SPG11: variants seen among roughly 807,000 people sequenced by gnomAD.
SPG11 encodes spatacsin.
In SPG11, 222 loss-of-function variants were observed where a neutral mutation model predicts 274.0. The ratio of observed to expected loss-of-function variants is 0.81; its 90% CI spans 0.73 to 0.91. The LOEUF is 0.91. Ranked by LOEUF, SPG11 falls within the 40% of genes least tolerant of loss-of-function variation. The pLI is 0.00. For synonymous variants in SPG11, 1,144 were observed against 1,039.7 expected (o/e 1.10, Z -1.93); for missense variants, 3,114 against 2,872.7 (o/e 1.08, Z -1.92).
At chr15:44,583,137 TCTC>T (rs2140945051) in intron 30 of SPG11, among the ~76,000 whole-genome samples, 1 of 152,240 alleles carries the variant, frequency 6.6e-6, no homozygotes, top group East Asian at 1.9e-4. Flanking sequence ...CTACAAGAAA[TCTC>T]CTAGAATAAG....
At chr15:44,580,889 T>C (rs1008588129) in intron 30 of SPG11, among the ~76,000 whole-genome samples, 4 of 151,632 alleles carry the variant, frequency 2.6e-5, no homozygotes, top group Admixed American at 1.3e-4. Context: ...AGAGAGGAGG[T>C]AGGGTATGGT....
chr15:44,574,796 G>T (rs920860147), intron 31 of SPG11, 106 bp downstream of exon 31: 1 of 1,357,334 alleles, frequency 7.4e-7, no homozygotes, highest in Non-Finnish European at 1.0e-6. Context: ...CTACTCCCAG[G>T]TCATGATTAT....
At chr15:44,588,595 G>T in intron 28 of SPG11, 1 of 409,436 alleles carries the variant, frequency 2.4e-6, no homozygotes, top group Non-Finnish European at 5.0e-6. Context: ...CGTTTGCATA[G>T]CTTCAGTGAC....
chr15:44,642,867 C>T (rs1451646283), intron 7 of SPG11, among the ~76,000 whole-genome samples: 3 of 152,038 alleles, frequency 2.0e-5, no homozygotes, highest in Admixed American at 6.6e-5. Flanking sequence ...AAGACCCTGT[C>T]TCATTAACAA....
intron 38 of SPG11, among the ~76,000 whole-genome samples, chr15:44,565,135 T>C (rs1436259714): frequency 1.3e-5 from 2 of 152,208 alleles, no homozygotes; most frequent in African/African-American, 4.8e-5. Flanking sequence ...GCTGATTCCC[T>C]GATAATCCAC....
chr15:44,564,658 C>T lies in SPG11; in HGVS notation c.7040G>A (p.Trp2347Ter). ...VAEAYDFVPD[W>*]AEILYQQVIL... ...CACTTGCTGGTATAAAATTTCAGCC[C>T]AATCTGGAACAAAATCGTAGGCCTC... is the stretch of plus-strand genomic sequence containing the variant. Residue 2347 changes from tryptophan (W) to a stop codon, truncating the protein, a stop_gained, in exon 39 of 40, where the codon TGG becomes TAG. Transcript: ENST00000261866. LOFTEE classifies it high-confidence loss of function. 6.2e-7 allele frequency: 1 copy of T among 1,614,068 alleles called. No homozygotes were observed. Among genetic ancestry groups the T allele is most frequent in the Non-Finnish European group, 8.5e-7 (1 of 1,180,014 alleles).
chr15:44,598,826 C>A lies in SPG11; in HGVS notation c.3697G>T (p.Val1233Leu). The A allele has an allele frequency of 6.2e-7, 1 of 1,614,036 alleles. No homozygotes were observed. The highest frequency in any genetic ancestry group is 1.1e-5 in the South Asian group (1 of 91,076). ...CCTATAACATAGGCTTCATTGCCTA[C>A]TTGCTGGATCCTGAAAAAGAAAGGA... is the stretch of plus-strand genomic sequence containing the variant. Reference protein sequence around the residue: ...SKTPKQLIQQVGNEAYVIGLS... With the variant: ...SKTPKQLIQQLGNEAYVIGLS... The change falls in exon 22 of 40, where the codon GTA becomes TTA. Residue 1233 changes from valine (V) to leucine (L), a missense_variant. Transcript: ENST00000261866.
chr15:44,634,331 G>C, intron 7 of SPG11, among the ~76,000 whole-genome samples: 1 of 152,112 alleles, frequency 6.6e-6, no homozygotes, highest in East Asian at 1.9e-4. Context: ...CTGAGGTACA[G>C]TGGCATGATC....
At chr15:44,656,147 T>G (rs1481013672) in intron 4 of SPG11, among the ~76,000 whole-genome samples, 1 of 152,088 alleles carries the variant, frequency 6.6e-6, no homozygotes, top group African/African-American at 2.4e-5. Context: ...AATGGAGGTT[T>G]GAGGAAAACA....
intron 4 of SPG11, among the ~76,000 whole-genome samples, chr15:44,656,591 A>G (rs1821377484): frequency 6.6e-6 from 1 of 152,206 alleles, no homozygotes; most frequent in Admixed American, 6.5e-5. Flanking sequence ...GTGGTCAGAG[A>G]CTGAGATGTA....
chr15:44,624,013 G>A (rs2083827340), intron 11 of SPG11, among the ~76,000 whole-genome samples: 1 of 151,860 alleles, frequency 6.6e-6, no homozygotes, highest in South Asian at 2.1e-4. Context: ...TGCCCATCTC[G>A]GCCTCCAAAA....
Position 44,622,754 on chromosome 15 carries a change from T to C in SPG11, c.2290A>G (p.Thr764Ala). ...AAAAAGTCACGTATATTTTTATTAG[T>C]TGTATAGAAGCAGATCTTGAGCAAT... ...GQLLKICFYT[T>A]NKNIRDFLVE... The change falls in exon 12 of 40, where the codon ACT becomes GCT. Residue 764 changes from threonine (T) to alanine (A), a missense_variant. Coordinates refer to ENST00000261866, the MANE Select transcript of SPG11 (RefSeq NM_025137.4). 1 of 1,613,778 alleles carries C rather than the reference T, an allele frequency of 6.2e-7. No individual in the cohort carries two copies. Among genetic ancestry groups the C allele is most frequent in the Non-Finnish European group, 8.5e-7 (1 of 1,179,774 alleles).
chr15:44,620,134 T>A, intron 15 of SPG11, 56 bp downstream of exon 15: 1 of 1,346,576 alleles, frequency 7.4e-7, no homozygotes, highest in Non-Finnish European at 1.1e-6. Flanking sequence ...CCATTATTTT[T>A]TCTTGCTCTT....
At chr15:44,612,959 T>C (rs915088594) in intron 17 of SPG11, among the ~76,000 whole-genome samples, 10 of 152,178 alleles carry the variant, frequency 6.6e-5, no homozygotes, top group African/African-American at 2.4e-4. Flanking sequence ...TTCTGTCTGA[T>C]TACAACCAGA....
chr15:44,589,448 GT>G, intron 27 of SPG11, 34 bp from the exon 28 acceptor site: 1 of 1,613,524 alleles, frequency 6.2e-7, no homozygotes, highest in South Asian at 1.1e-5. Context: ...AGGGAAAGCA[GT>G]TTCATGAGAA....
intron 7 of SPG11, among the ~76,000 whole-genome samples, chr15:44,644,776 A>G (rs959766912): frequency 1.3e-5 from 2 of 152,218 alleles, no homozygotes; most frequent in Non-Finnish European, 2.9e-5. Flanking sequence ...ATTTCTATAC[A>G]CCAACAACAT....
intron 28 of SPG11, among the ~76,000 whole-genome samples, chr15:44,587,007 C>T (rs1053353232): frequency 6.6e-6 from 1 of 152,186 alleles, no homozygotes; most frequent in African/African-American, 2.4e-5. Context: ...AACTGAGCTC[C>T]TCCTGATGTC....
chr15:44,613,596 C>A (rs2083517191), intron 16 of SPG11, 60 bp from the exon 17 acceptor site: 2 of 1,137,908 alleles, frequency 1.8e-6, no homozygotes, highest in South Asian at 1.3e-5. Flanking sequence ...ACAATTACAA[C>A]CATTTTGCTC....
chr15:44,570,538 T>A lies in SPG11; in HGVS notation c.6464A>T (p.Glu2155Val). Reference sequence around the variant, plus strand: ...GGGGCTACTTACCACCAGCCCATACTCCTCACTGGGGGCCAGGTGGTTATC... The same window carrying A: ...GGGGCTACTTACCACCAGCCCATACACCTCACTGGGGGCCAGGTGGTTATC... ...LTDNHLAPSE[E>V]YGLVVRLLTG... The change falls in exon 34 of 40, where the codon GAG becomes GTG. Residue 2155 changes from glutamate to valine, a missense_variant. Coordinates refer to ENST00000261866, the MANE Select transcript of SPG11 (RefSeq NM_025137.4). The A allele has an allele frequency of 6.2e-7, 1 of 1,614,072 alleles. No homozygotes were observed. The highest frequency in any genetic ancestry group is 8.5e-7 in the Non-Finnish European group (1 of 1,179,966).
Sources: gnomAD v4.1 joint callset for allele counts (sites outside exome capture counted in the v4.1 genomes callset) on GRCh38, gnomAD v4.1.1 for gene constraint, MANE v1.5 for transcripts, NCBI Gene and HGNC (gene_info 2026-07-23, HGNC 2026-07-21) for gene names.